Variants in KNTC1 observed in about 807,000 individuals in gnomAD.
KNTC1 encodes the protein kinetochore-associated protein 1.
In KNTC1, 253 loss-of-function variants were observed where a neutral mutation model predicts 314.4. The ratio of observed to expected loss-of-function variants is 0.80; its 90% confidence interval spans 0.73 to 0.89. The LOEUF (loss-of-function observed/expected upper bound fraction) is 0.89. KNTC1 is among the 40% of genes least tolerant of loss of function. The pLI, the probability that KNTC1 is intolerant of heterozygous loss-of-function variation, is 0.00. For synonymous variants in KNTC1, 901 were observed against 901.4 expected (o/e 1.00, Z 0.01); for missense variants, 2,475 against 2,572.9 (o/e 0.96, Z 0.82).
Position 122,618,599 on chromosome 12 carries a change from T to G in KNTC1, c.6149+54T>G, listed in dbSNP as rs1377674485. The G allele has an allele frequency of 6.8e-6, 9 of 1,324,936 alleles. No individual in the cohort carries two copies. In the African/African-American group the frequency reaches 1.0e-4, roughly 15 times the overall value. The allele number at this position is 1,324,936 out of a possible 1,614,324, so 82.1% of individuals were successfully genotyped here. A position where few individuals can be genotyped will look rare whatever the true frequency, so the allele number is the denominator to read the frequency against. On this transcript the variant is annotated intron_variant, in intron 59 of 63. Transcript: ENST00000333479. ...AAAAAAAAGTTTGTTGCTTATAAGA[T>G]TCCCTTCTAATAGATATCTCTAATG...
chr12:122,621,153 T>A (rs1249887484), intron 60 of KNTC1, among the ~76,000 whole-genome samples: 2 of 152,180 alleles, frequency 1.3e-5, no homozygotes, highest in African/African-American at 4.8e-5. Context: ...AGTCAGATTT[T>A]ATGTGTGGGT....
At position 122,615,098 on chromosome 12, in the gene KNTC1, T is replaced by C; in HGVS notation, c.5973+12T>C. 8 of 1,568,482 alleles carry C rather than the reference T, an allele frequency of 5.1e-6. No homozygotes were observed. The highest frequency in any genetic ancestry group is 7.0e-6 in the Non-Finnish European group (8 of 1,141,070). ...TGGGCTTCAATATGGTAAGTAAGAC[T>C]CAATGCCCTCGACTAAGTATATTTG... is the stretch of plus-strand genomic sequence containing the variant. On this transcript the variant is annotated intron_variant, in intron 56 of 63. Coordinates refer to ENST00000333479, the MANE Select transcript of KNTC1 (RefSeq NM_014708.6).
At chr12:122,591,779 T>C (rs1382123360) in intron 42 of KNTC1, among the ~76,000 whole-genome samples, 1 of 152,222 alleles carries the variant, frequency 6.6e-6, no homozygotes, top group Admixed American at 6.5e-5. Context: ...TTTCTGCTGC[T>C]GTTATTTAAA....
intron 59 of KNTC1, among the ~76,000 whole-genome samples, chr12:122,618,995 C>T (rs1157041769): frequency 1.3e-5 from 2 of 151,484 alleles, no homozygotes; most frequent in Non-Finnish European, 2.9e-5. Flanking sequence ...GCTGGGATTA[C>T]AGGTGTGAGG....
At chr12:122,623,401 T>C (rs1874647714) in intron 62 of KNTC1, among the ~76,000 whole-genome samples, 1 of 152,198 alleles carries the variant, frequency 6.6e-6, no homozygotes, top group African/African-American at 2.4e-5. Context: ...CATCCCTGCA[T>C]GTGGTCTAGC....
chr12:122,600,561 C>G (rs751544670), intron 44 of KNTC1, among the ~76,000 whole-genome samples: 1 of 152,172 alleles, frequency 6.6e-6, no homozygotes, highest in South Asian at 2.1e-4. Context: ...TCTTTCTGTT[C>G]CAATTTTCCC....
chr12:122,597,762 C>T lies in KNTC1; in HGVS notation c.4387C>T (p.Gln1463Ter), dbSNP rs778782039. The T allele has an allele frequency of 1.9e-5, 30 of 1,613,788 alleles. No homozygotes were observed. The highest frequency in any genetic ancestry group is 2.4e-5 in the Non-Finnish European group (28 of 1,179,836). ...TFQLDCDAVL[Q>*]LFIETLLHNT... ...TCAGTTGGACTGCGATGCAGTTCTTCAGCTCTTCATTGAAACGCTGCTCCA... is the reference window on the plus strand; with the variant it reads ...TCAGTTGGACTGCGATGCAGTTCTTTAGCTCTTCATTGAAACGCTGCTCCA... Residue 1463 changes from glutamine (Q) to a stop codon, truncating the protein, a stop_gained, in exon 44 of 64, where the codon CAG (glutamine) becomes TAG (stop). Transcript: ENST00000333479. LOFTEE classifies it high-confidence loss of function.
Position 122,551,678 on chromosome 12 carries a change from G to A in KNTC1, c.1254G>A (p.Gln418=). Reference sequence around the variant, plus strand: ...CTGAAGCTGAGAGTTTTGCCATTCAGTTTGGACTAGATGTTGAGGTAATCA... The same window carrying A: ...CTGAAGCTGAGAGTTTTGCCATTCAATTTGGACTAGATGTTGAGGTAATCA... ...RFAEAESFAI[Q]FGLDVELVYK... The change falls in exon 16 of 64, where the codon CAG becomes CAA. Residue 418 remains glutamine (Q), a synonymous_variant. Coordinates refer to ENST00000333479, the MANE Select transcript of KNTC1 (RefSeq NM_014708.6). 6.2e-7 allele frequency: 1 copy of A among 1,613,032 alleles called. No homozygotes were observed. The highest frequency in any genetic ancestry group is 8.5e-7 in the Non-Finnish European group (1 of 1,179,104).
chr12:122,626,107 T>C (rs3803005), intron 63 of KNTC1, 98 bp from the exon 64 acceptor site: 600,806 of 803,026 alleles, frequency 0.75, 226,391 homozygotes, highest in African/African-American at 0.87. Flanking sequence ...TATGTAGATT[T>C]GTATCACTTC....
Position 122,561,927 on chromosome 12 carries a change from A to G in KNTC1, c.1495A>G (p.Lys499Glu). The change falls in exon 19 of 64, where the codon AAG becomes GAG. Residue 499 changes from lysine (K) to glutamate (E), a missense_variant. Lys to Glu is a moderately conservative substitution (Grantham distance 56, BLOSUM62 1). Coordinates refer to ENST00000333479, the MANE Select transcript of KNTC1 (RefSeq NM_014708.6). ...MLNYAKTRLL[K>E]KEDKTALIYS... ...TCTTATTATTCTTACTTAGCTTTTG[A>G]AGAAAGAAGATAAAACTGCTCTCAT... The G allele has an allele frequency of 6.3e-7, 1 of 1,579,354 alleles. No homozygotes were observed. Among genetic ancestry groups the G allele is most frequent in the Admixed American group, 1.7e-5 (1 of 58,908 alleles).
At chr12:122,573,390 C>T (rs1964820623) in intron 26 of KNTC1, 105 bp downstream of exon 26, 2 of 1,024,786 alleles carry the variant, frequency 2.0e-6, no homozygotes, top group East Asian at 4.8e-5. Flanking sequence ...CTCAGTAGGA[C>T]TCATGCAGCA....
At chr12:122,542,263 T>A (rs1593495685) in intron 6 of KNTC1, 136 bp downstream of exon 6, 1 of 594,298 alleles carries the variant, frequency 1.7e-6, no homozygotes, top group East Asian at 3.5e-5. Context: ...GGGTATACTG[T>A]TAAGTATTCA....
chr12:122,561,753 C>T (rs1423970188), intron 18 of KNTC1, among the ~76,000 whole-genome samples, 168 bp from the exon 19 acceptor site: 1 of 152,104 alleles, frequency 6.6e-6, no homozygotes, highest in African/African-American at 2.4e-5. Flanking sequence ...TGCCCCCAGG[C>T]AAATGCATTA....
At chr12:122,565,228 T>G in intron 20 of KNTC1, among the ~76,000 whole-genome samples, 1 of 148,062 alleles carries the variant, frequency 6.8e-6, no homozygotes, top group Non-Finnish European at 1.5e-5. Flanking sequence ...TGGTCCCTCT[T>G]TCTCTTGAGT....
chr12:122,557,724 G>T, intron 18 of KNTC1, 35 bp downstream of exon 18: 2 of 1,478,152 alleles, frequency 1.4e-6, no homozygotes, highest in South Asian at 1.2e-5. Context: ...TTTTTTTGGG[G>T]CAGGGGAGAA....
chr12:122,554,629 G>C (rs879872638), intron 16 of KNTC1, among the ~76,000 whole-genome samples: 1 of 151,986 alleles, frequency 6.6e-6, no homozygotes, highest in Admixed American at 6.6e-5. Flanking sequence ...ACATCTGAAA[G>C]ATTTTAGAAG....
At chr12:122,589,662 A>AG (rs1593624506) in intron 40 of KNTC1, among the ~76,000 whole-genome samples, 1 of 151,514 alleles carries the variant, frequency 6.6e-6, no homozygotes, top group East Asian at 1.9e-4. Context: ...TTGTAGAGAC[A>AG]GGTCTCACTG....
In KNTC1 at chr12:122,589,960, T is replaced by A. The variant is rs1246928390; in HGVS notation, c.4000-647T>A. 3.9e-5 allele frequency among the ~76,000 whole-genome samples: 6 copies of A among 151,946 alleles called. No individual in the cohort carries two copies. In the East Asian group the frequency reaches 1.2e-3, roughly 29 times the overall value. On this transcript the variant is annotated intron_variant, in intron 40 of 63. Transcript: ENST00000333479. ...CACCACGCCTGGCTAATTTTTGGTA[T>A]TTTTAGTAGAGACCGGGTTTCACTG...
At chr12:122,574,404 G>T in intron 27 of KNTC1, 24 bp downstream of exon 27, 1 of 1,356,600 alleles carries the variant, frequency 7.4e-7, no homozygotes, top group Non-Finnish European at 1.0e-6. Flanking sequence ...GACCATTTGC[G>T]TTTCCCTTTT....
Sources: allele counts gnomAD v4.1 joint callset (sites outside exome capture counted in the v4.1 genomes callset), GRCh38; gene constraint gnomAD v4.1.1; transcripts MANE v1.5; gene names NCBI Gene and HGNC (gene_info 2026-07-23, HGNC 2026-07-21).